DLGAP1: variants seen among roughly 807,000 people sequenced by gnomAD.
DLGAP1 encodes the protein DLG associated protein 1.
A neutral mutation model predicts 90.8 loss-of-function variants in DLGAP1; 11 were observed. The observed-to-expected ratio is 0.12, with a 90% CI of 0.08 to 0.20. DLGAP1 has a LOEUF of 0.20. DLGAP1 is among the 10% of genes least tolerant of loss of function. The pLI is 1.00. For missense variants in DLGAP1, 1,050 were observed against 1,333.8 expected (o/e 0.79, Z 3.31); for synonymous variants, 558 against 540.7 (o/e 1.03, Z -0.44).
At chr18:4,159,437 C>T (rs2076808724) in intron 1 of DLGAP1, among the ~76,000 whole-genome samples, 1 of 152,194 alleles carries the variant, frequency 6.6e-6, no homozygotes, top group African/African-American at 2.4e-5. Flanking sequence ...GCCTTTGAAT[C>T]TTTGCTGGTC....
chr18:3,928,765 T>C (rs1266673053), intron 3 of DLGAP1, among the ~76,000 whole-genome samples: 2 of 152,198 alleles, frequency 1.3e-5, no homozygotes, highest in African/African-American at 4.8e-5. Context: ...TCATCCACTA[T>C]GCCGAATTCA....
At chr18:3,703,798 C>A (rs565837460) in intron 7 of DLGAP1, among the ~76,000 whole-genome samples, 2 of 152,310 alleles carry the variant, frequency 1.3e-5, no homozygotes, top group African/African-American at 4.8e-5. Context: ...GACATGCATT[C>A]TTTCCCCTAT....
At chr18:4,407,995 G>A (rs890289479) in intron 1 of DLGAP1, among the ~76,000 whole-genome samples, 12 of 152,152 alleles carry the variant, frequency 7.9e-5, no homozygotes, top group South Asian at 4.1e-4. Flanking sequence ...GGAGATGAAC[G>A]TGAGTTTTGT....
intron 1 of DLGAP1, among the ~76,000 whole-genome samples, chr18:4,372,514 C>CT (rs753859064): frequency 9.8e-4 from 149 of 152,346 alleles, no homozygotes; most frequent in Middle Eastern, 3.4e-3. Flanking sequence ...CTACTCCTGA[C>CT]TGGAAGTCCT....
At chr18:3,500,646 C>T (rs986153673) in intron 12 of DLGAP1, among the ~76,000 whole-genome samples, 1 of 152,056 alleles carries the variant, frequency 6.6e-6, no homozygotes, top group Admixed American at 6.6e-5. Flanking sequence ...TCTGATTGTG[C>T]TTGTTCATTT....
At chr18:4,421,493 A>G (rs1314997002) in intron 1 of DLGAP1, among the ~76,000 whole-genome samples, 2 of 152,162 alleles carry the variant, frequency 1.3e-5, no homozygotes, top group African/African-American at 2.4e-5. Flanking sequence ...GGATTAGGAC[A>G]TGAACATGTC....
intron 1 of DLGAP1, among the ~76,000 whole-genome samples, chr18:4,257,970 C>CGTGTGTGTGTGTGT (rs1568475452): frequency 1.1e-5 from 1 of 95,100 alleles, no homozygotes; most frequent in Non-Finnish European, 2.2e-5. Context: ...AAGAGTTATA[C>CGTGTGTGTGTGTGT]ATATGTGTGT....
At chr18:4,024,505 C>T (rs190614050) in intron 2 of DLGAP1, among the ~76,000 whole-genome samples, 8 of 152,242 alleles carry the variant, frequency 5.3e-5, no homozygotes, top group Admixed American at 2.0e-4. Context: ...GCAAAGGGGA[C>T]GTGGCAAATT....
intron 2 of DLGAP1, among the ~76,000 whole-genome samples, chr18:4,075,015 T>G (rs888458648): frequency 6.6e-6 from 1 of 152,178 alleles, no homozygotes; most frequent in Non-Finnish European, 1.5e-5. Context: ...AATCTAAACT[T>G]TTGAAGGTCA....
intron 7 of DLGAP1, chr18:3,604,236 CTGTT>C (rs2057214082): frequency 6.6e-6 from 1 of 152,286 alleles, no homozygotes; most frequent in African/African-American, 2.4e-5. Flanking sequence ...TATGGGCTGT[CTGTT>C]CCCTCGGGGA....
chr18:3,508,747 G>T (rs1598982717), intron 10 of DLGAP1, 86 bp from the exon 11 acceptor site: 1 of 1,097,290 alleles, frequency 9.1e-7, no homozygotes, highest in Non-Finnish European at 1.3e-6. Flanking sequence ...AAGTTATGCT[G>T]TAATAATTAG....
chr18:4,231,812 G>A (rs56251521), intron 1 of DLGAP1, among the ~76,000 whole-genome samples: 1,546 of 152,212 alleles, frequency 0.01, 32 homozygotes, highest in African/African-American at 0.035. Context: ...ATCTAATTGA[G>A]AGGAAAGAAT....
intron 8 of DLGAP1, among the ~76,000 whole-genome samples, chr18:3,581,415 G>C (rs2055502495): frequency 6.6e-6 from 1 of 152,172 alleles, no homozygotes; most frequent in African/African-American, 2.4e-5. Context: ...AACCTGGGCA[G>C]AGCAGGAGGT....
chr18:4,096,921 A>T (rs2075690454), intron 2 of DLGAP1, among the ~76,000 whole-genome samples: 1 of 152,244 alleles, frequency 6.6e-6, no homozygotes, highest in African/African-American at 2.4e-5. Flanking sequence ...ACATGAATTA[A>T]GTTAATGAAA....
chr18:3,550,743 T>C (rs1359681299), intron 9 of DLGAP1, among the ~76,000 whole-genome samples: 1 of 142,966 alleles, frequency 7.0e-6, no homozygotes, highest in African/African-American at 2.6e-5. Context: ...CCTTTTTTTT[T>C]TTTTTTTTTT....
Position 4,447,350 on chromosome 18 carries a change from C to T in DLGAP1, c.-267+7656G>A, listed in dbSNP as rs145419753. The stretch of plus-strand genomic sequence containing the variant: ...ATCAGATCTACATGTCATCAAAATA[C>T]TGAACAATTACAGTAAGGTAAAGAA... On this transcript the variant is annotated intron_variant, in intron 1 of 12. Coordinates refer to ENST00000315677, the MANE Select transcript of DLGAP1 (RefSeq NM_004746.4). Among the ~76,000 whole-genome samples the T allele has an allele frequency of 8.5e-5, 13 of 152,282 alleles. No individual in the cohort carries two copies. The East Asian group carries it at 2.5e-3, about 29-fold the overall frequency.
intron 2 of DLGAP1, among the ~76,000 whole-genome samples, chr18:4,085,348 T>C (rs754808630): frequency 2.2e-4 from 34 of 152,352 alleles, no homozygotes; most frequent in Non-Finnish European, 4.9e-4. Flanking sequence ...TACATGCTAA[T>C]ATCTTCACTG....
At chr18:3,527,736 G>A (rs1014911455) in intron 10 of DLGAP1, among the ~76,000 whole-genome samples, 5 of 151,752 alleles carry the variant, frequency 3.3e-5, no homozygotes, top group South Asian at 2.1e-4. Context: ...GACCACAGGT[G>A]CATGCCACCA....
At chr18:3,876,903 A>G (rs2071019084) in intron 4 of DLGAP1, among the ~76,000 whole-genome samples, 2 of 152,128 alleles carry the variant, frequency 1.3e-5, no homozygotes, top group Admixed American at 1.3e-4. Context: ...TTTAATAATA[A>G]TATGCTTATT....
Sources: allele counts gnomAD v4.1 joint callset (sites outside exome capture counted in the v4.1 genomes callset), GRCh38; gene constraint gnomAD v4.1.1; transcripts MANE v1.5; gene names NCBI Gene and HGNC (gene_info 2026-07-23, HGNC 2026-07-21).